Variants in TRIM16 observed in about 807,000 individuals in gnomAD.
TRIM16 encodes tripartite motif containing 16.
TRIM16 carries 33 observed loss-of-function variants against 50.4 expected under a neutral mutation model. That is an observed-to-expected ratio of 0.65 (90% confidence interval 0.50 to 0.88). TRIM16 has a LOEUF of 0.88. Ranked by LOEUF, TRIM16 falls within the 40% of genes least tolerant of loss-of-function variation. TRIM16 has a pLI of 0.00. For synonymous variants in TRIM16, 229 were observed against 270.7 expected, an observed-to-expected ratio of 0.85 and a Z score of 1.51; for missense variants, 581 against 686.8, an observed-to-expected ratio of 0.85 and a Z score of 1.72.
At chr17:15,666,067 C>T in intron 6 of TRIM16, among the ~76,000 whole-genome samples, 1 of 152,164 alleles carries the variant, frequency 6.6e-6, no homozygotes, top group East Asian at 1.9e-4. Context: ...TTTTACATCT[C>T]ACACATCTCC....
At chr17:15,674,616 A>C (rs1192856722) in intron 6 of TRIM16, among the ~76,000 whole-genome samples, 2 of 152,106 alleles carry the variant, frequency 1.3e-5, no homozygotes, top group Non-Finnish European at 2.9e-5. Flanking sequence ...GAATCCCTCA[A>C]GCCCACAGAT....
chr17:15,678,577 G>A (rs1262683719), intron 4 of TRIM16, among the ~76,000 whole-genome samples: 1 of 152,200 alleles, frequency 6.6e-6, no homozygotes, highest in Non-Finnish European at 1.5e-5. Flanking sequence ...AAGCCATATG[G>A]TAAAGAGGCT....
In TRIM16 at chr17:15,673,209, A is replaced by G. The variant is rs905119843; in HGVS notation, c.-338+3967T>C. On this transcript the variant is annotated intron_variant, in intron 6 of 11. Coordinates refer to ENST00000649191, the MANE Select transcript of TRIM16 (RefSeq NM_001348119.1). ...TCTTATTCTAATGACAGACACTCTT[A>G]TAGACGACCCTCCCCACCCCTTTTC... 1.2e-3 allele frequency among the ~76,000 whole-genome samples: 178 copies of G among 152,380 alleles called. 1 individual carries two copies. The highest frequency in any genetic ancestry group is 4.0e-3 in the African/African-American group (166 of 41,600).
intron 6 of TRIM16, among the ~76,000 whole-genome samples, chr17:15,660,602 G>A (rs1007820458): frequency 4.6e-5 from 7 of 152,108 alleles, no homozygotes; most frequent in Non-Finnish European, 8.8e-5. Flanking sequence ...AAGAATGCTC[G>A]AAAGAATACA....
At chr17:15,679,720 A>G (rs1989100479) in intron 4 of TRIM16, among the ~76,000 whole-genome samples, 1 of 151,982 alleles carries the variant, frequency 6.6e-6, no homozygotes, top group Non-Finnish European at 1.5e-5. Context: ...GGCAGATCAC[A>G]AGGTCAGGAG....
intron 6 of TRIM16, among the ~76,000 whole-genome samples, chr17:15,666,516 T>C (rs969238837): frequency 2.6e-4 from 40 of 152,318 alleles, no homozygotes; most frequent in African/African-American, 9.4e-4. Flanking sequence ...CCAATCAAGA[T>C]AGAGAATATT....
chr17:15,636,282 G>C lies in TRIM16; in HGVS notation c.616-13C>G, dbSNP rs756255713. The C allele has an allele frequency of 3.7e-6, 6 of 1,607,500 alleles. 1 individual carries two copies. Among genetic ancestry groups the C allele is most frequent in the Non-Finnish European group, 5.1e-6 (6 of 1,177,384 alleles). On this transcript the variant is annotated splice_polypyrimidine_tract_variant and intron_variant, in intron 8 of 11. Coordinates refer to ENST00000649191, the MANE Select transcript of TRIM16 (RefSeq NM_001348119.1). ...CTGACACCGACACCTGGCAGGGGGTGGGGGTGGAAGGCAGCCAAACATTTC... is the reference window on the plus strand; with the variant it reads ...CTGACACCGACACCTGGCAGGGGGTCGGGGTGGAAGGCAGCCAAACATTTC...
Position 15,642,733 on chromosome 17 carries a change from T to G in TRIM16, c.603A>C (p.Gln201His), listed in dbSNP as rs1457696585. The G allele has an allele frequency of 9.3e-6, 8 of 864,802 alleles. No individual in the cohort carries two copies. The Admixed American group carries it at 2.2e-4, about 24-fold the overall frequency. The allele number at this position is 864,802 out of a possible 1,614,324, so 53.6% of individuals were successfully genotyped here. The change falls in exon 8 of 12, where the codon CAA (glutamine) becomes CAC (histidine). Residue 201 changes from glutamine to histidine, a missense_variant. Gln to His is a conservative substitution (Grantham distance 24, BLOSUM62 0). Coordinates refer to ENST00000649191, the MANE Select transcript of TRIM16 (RefSeq NM_001348119.1). ...AGGCTGGTCTTACCAGAACAGACTT[T>G]TGGTTAGCCTGGAGCCTGGAGATGG... ...ENAISRLQANQKSVLVSVSEV... is the reference protein window; with the variant it reads ...ENAISRLQANHKSVLVSVSEV...
chr17:15,633,072 C>T (rs1263629657), intron 9 of TRIM16: 2 of 156,714 alleles, frequency 1.3e-5, no homozygotes, highest in African/African-American at 4.8e-5. Flanking sequence ...AGCTCTCAGG[C>T]AGGAGTGCTG....
At position 15,651,187 on chromosome 17, in the gene TRIM16, G is replaced by A. The variant is rs1987678064; in HGVS notation, c.423C>T (p.Phe141=). The stretch of plus-strand genomic sequence containing the variant: ...AGATGCACTGCTGATCAGGGCAGCA[G>A]AAGGCAGACAGTGGGCTGTGGTGGG... ...CPAHHSPLSA[F]CCPDQQCICQ... is the part of the protein sequence containing the mutation. The change falls in exon 7 of 12, where the codon TTC becomes TTT. Residue 141 remains phenylalanine, a synonymous_variant. Transcript: ENST00000649191. 6.2e-7 allele frequency: 1 copy of A among 1,614,242 alleles called. No individual in the cohort carries two copies. Among genetic ancestry groups the A allele is most frequent in the Non-Finnish European group, 8.5e-7 (1 of 1,180,046 alleles).
intron 1 of TRIM16, chr17:15,683,388 T>C: frequency 2.4e-6 from 1 of 408,724 alleles, no homozygotes; most frequent in East Asian, 4.9e-5. Flanking sequence ...ACATAGACAG[T>C]TACAGACAAC....
chr17:15,670,315 T>C (rs1442328949), intron 6 of TRIM16, among the ~76,000 whole-genome samples: 1 of 152,230 alleles, frequency 6.6e-6, no homozygotes, highest in Non-Finnish European at 1.5e-5. Context: ...CAAAGCACTC[T>C]GTACCATGGC....
In TRIM16 at chr17:15,651,817, G is replaced by A; in HGVS notation, c.-208C>T. 1 of 1,448,512 alleles carries A rather than the reference G, an allele frequency of 6.9e-7. No individual in the cohort carries two copies. 89.7% of individuals were successfully genotyped at this position (1,448,512 alleles called of 1,614,324 possible). A position where few individuals can be genotyped will look rare whatever the true frequency, so the allele number is the denominator to read the frequency against. ...ATGCGATGACGACAAGGCAGCTAGA[G>A]TACTCAGGCTCAGGACAGCCGGCTC... On this transcript the variant is annotated 5_prime_UTR_variant, in exon 7 of 12. Coordinates refer to ENST00000649191, the MANE Select transcript of TRIM16 (RefSeq NM_001348119.1).
intron 8 of TRIM16, among the ~76,000 whole-genome samples, chr17:15,642,433 C>A (rs1293551233): frequency 1.3e-5 from 2 of 148,640 alleles, no homozygotes; most frequent in East Asian, 4.1e-4. Flanking sequence ...CACACATACA[C>A]CCTGTCAAGA....
rs149105323 is a variant in TRIM16, at chr17:15,654,658, T to C, written c.-337-2712A>G. On this transcript the variant is annotated intron_variant, in intron 6 of 11. Transcript: ENST00000649191. ...AGGTCACTAGGCAGATAAACTCAAG[T>C]TGTAAAACATGTTTTTTCCTTGAAA... Among the ~76,000 whole-genome samples the C allele has an allele frequency of 1.9e-3, 289 of 152,348 alleles. 11 individuals carry two copies. In the East Asian group the frequency reaches 0.052, roughly 28 times the overall value.
At chr17:15,653,839 ACAGTGTACC>A (rs1415801778) in intron 6 of TRIM16, among the ~76,000 whole-genome samples, 2 of 152,360 alleles carry the variant, frequency 1.3e-5, no homozygotes, top group African/African-American at 4.8e-5. Context: ...ACGGGGGTAC[ACAGTGTACC>A]CAGCGTTTGC....
intron 6 of TRIM16, among the ~76,000 whole-genome samples, chr17:15,653,351 C>A (rs1987820546): frequency 6.6e-6 from 1 of 152,206 alleles, no homozygotes; most frequent in Non-Finnish European, 1.5e-5. Flanking sequence ...CCCCCACCCC[C>A]TCAGGTATTC....
intron 7 of TRIM16, among the ~76,000 whole-genome samples, chr17:15,647,314 A>G (rs1192936889): frequency 6.6e-6 from 1 of 152,038 alleles, no homozygotes; most frequent in Non-Finnish European, 1.5e-5. Flanking sequence ...CCTATCATCC[A>G]CCTTTCGGCT....
At chr17:15,660,347 G>GTAGGA (rs1255014612) in intron 6 of TRIM16, among the ~76,000 whole-genome samples, 1 of 152,172 alleles carries the variant, frequency 6.6e-6, no homozygotes, top group Non-Finnish European at 1.5e-5. Flanking sequence ...GTCCGCTAGG[G>GTAGGA]ATGGCTTATG....
Sources: allele counts gnomAD v4.1 joint callset (sites outside exome capture counted in the v4.1 genomes callset), GRCh38; gene constraint gnomAD v4.1.1; transcripts MANE v1.5; gene names NCBI Gene and HGNC (gene_info 2026-07-23, HGNC 2026-07-21).